The following EML3 variants were observed in gnomAD, a reference collection of about 807,000 sequenced individuals.
EML3 encodes the protein echinoderm microtubule-associated protein-like 3.
In EML3, 53 loss-of-function variants were observed where a neutral mutation model predicts 106.7. The observed-to-expected ratio is 0.50, with a 90% CI of 0.40 to 0.62. The LOEUF (loss-of-function observed/expected upper bound fraction) is 0.62, where lower values mean the gene tolerates loss of function less well. EML3 is among the 20% of genes least tolerant of loss of function. EML3 has a pLI of 0.00. For synonymous variants in EML3, 499 were observed against 489.6 expected, an observed-to-expected ratio of 1.02 and a Z score of -0.25; for missense variants, 994 against 1,209.1, an observed-to-expected ratio of 0.82 and a Z score of 2.64.
chr11:62,603,894 T>C, intron 18 of EML3, 50 bp downstream of exon 18: 1 of 1,611,252 alleles, frequency 6.2e-7, no homozygotes, highest in South Asian at 1.1e-5. Context: ...ATCAGACCCC[T>C]GAGTTTCGCA....
intron 4 of EML3, 72 bp from the exon 5 acceptor site, chr11:62,609,768 AG>A: frequency 1.5e-6 from 2 of 1,360,944 alleles, no homozygotes; most frequent in Non-Finnish European, 2.0e-6. Context: ...GCAGGACACA[AG>A]AAAAGAGGTC....
intron 19 of EML3, 126 bp downstream of exon 19, chr11:62,603,603 C>T (rs977202790): frequency 8.9e-6 from 7 of 787,832 alleles, no homozygotes; most frequent in Non-Finnish European, 1.4e-5. Flanking sequence ...ATTTCTCCTA[C>T]ATATAATTCC....
rs909444158 is a variant in EML3, at chr11:62,603,252, G to T, written c.2258-5C>A. On this transcript the variant is annotated splice_polypyrimidine_tract_variant and splice_region_variant and intron_variant, in intron 19 of 21. Transcript: ENST00000394773. ...TGCAGCCTCCAGCCACGTCCCCTGG[G>T]GAGAGGGAGCCCGCCCAGCTCAGCT... The T allele has an allele frequency of 1.2e-6, 2 of 1,612,924 alleles. No homozygotes were observed. Among genetic ancestry groups the T allele is most frequent in the Admixed American group, 1.7e-5 (1 of 60,004 alleles).
rs897781649 is a variant in EML3 at position 62,605,638 on chromosome 11, C to T, written c.1914+4G>A. 1.3e-6 allele frequency: 2 copies of T among 1,529,878 alleles called. No homozygotes were observed. Among genetic ancestry groups the T allele is most frequent in the Non-Finnish European group, 1.8e-6 (2 of 1,138,378 alleles). The allele number at this position is 1,529,878 out of a possible 1,614,324, so 94.8% of individuals were successfully genotyped here. A position where few individuals can be genotyped will look rare whatever the true frequency, so the allele number is the denominator to read the frequency against. ...ATGGGGGATCCAGGGGCACAGGGCTCTACCTTGAGGTCGATGCTCCAGGCC... is the reference window on the plus strand; with the variant it reads ...ATGGGGGATCCAGGGGCACAGGGCTTTACCTTGAGGTCGATGCTCCAGGCC... On this transcript the variant is annotated splice_donor_region_variant and intron_variant, in intron 15 of 21. Transcript: ENST00000394773. This position sits in a 1 kb window ranked among gnomAD's most constrained non-coding sequence, Gnocchi z 5.2.
chr11:62,605,251 C>T lies in EML3; in HGVS notation c.1915-71G>A. On this transcript the variant is annotated intron_variant, in intron 15 of 21. Coordinates refer to ENST00000394773, the MANE Select transcript of EML3 (RefSeq NM_153265.3). The surrounding 1 kb of genome is among the most constrained non-coding windows in gnomAD (Gnocchi z 5.2). Reference sequence around the variant, plus strand: ...AGGGAACCAGAGTGAACCCCTTGTCCTCCTAACTTCAAAGCCACTTACTCC... The same window carrying T: ...AGGGAACCAGAGTGAACCCCTTGTCTTCCTAACTTCAAAGCCACTTACTCC... 3 of 1,507,144 alleles carry T rather than the reference C, an allele frequency of 2.0e-6. No homozygotes were observed. Among genetic ancestry groups the T allele is most frequent in the Non-Finnish European group, 1.8e-6 (2 of 1,105,666 alleles). The allele number at this position is 1,507,144 out of a possible 1,614,324, so 93.4% of individuals were successfully genotyped here.
intron 4 of EML3, among the ~76,000 whole-genome samples, chr11:62,610,337 C>A (rs1218327882): frequency 6.6e-6 from 1 of 152,148 alleles, no homozygotes; most frequent in Non-Finnish European, 1.5e-5. Context: ...TGTCCTGGGG[C>A]CCGTACATAC....
intron 20 of EML3, 129 bp from the exon 21 acceptor site, chr11:62,603,018 C>A: frequency 6.7e-7 from 1 of 1,487,244 alleles, no homozygotes. Flanking sequence ...TTCCCGGTCC[C>A]GAGGGGCCTC....
intron 11 of EML3, chr11:62,607,372 G>A (rs539430886): frequency 1.6e-4 from 75 of 461,622 alleles, no homozygotes; most frequent in South Asian, 3.2e-4. Context: ...TGATGAAACC[G>A]TATCTCTATT....
At chr11:62,606,014 T>C (rs1324359858) in intron 13 of EML3, 34 bp from the exon 14 acceptor site, 1 of 1,613,532 alleles carries the variant, frequency 6.2e-7, no homozygotes, top group African/African-American at 1.3e-5. Context: ...AAGAGCCCAC[T>C]GACTATTGCT....
rs776500552 is a variant in EML3 at position 62,611,570 on chromosome 11, G to A, written c.49C>T (p.Gln17Ter). The part of the protein sequence containing the change: ...PGDGPAREAL[Q>*]SLSQRLRVQE... ...ACCCGAAGCCGCTGGCTCAGAGACT[G>A]GAGGGCCTCCCGAGCAGGGCCGTCA... is the stretch of plus-strand genomic sequence containing the variant. Residue 17 changes from glutamine (Q) to a stop codon, truncating the protein, a stop_gained, in exon 2 of 22, where the codon CAG (glutamine) becomes TAG (stop). Coordinates refer to ENST00000394773, the MANE Select transcript of EML3 (RefSeq NM_153265.3). LOFTEE classifies it high-confidence loss of function. The A allele has an allele frequency of 6.2e-7, 1 of 1,613,674 alleles. No homozygotes were observed.
In EML3 at chr11:62,612,537, G is replaced by A. The variant is rs1942887446; in HGVS notation, c.-80C>T. 8 of 1,300,824 alleles carry A rather than the reference G, an allele frequency of 6.1e-6. No individual in the cohort carries two copies. The highest frequency in any genetic ancestry group is 7.8e-6 in the Non-Finnish European group (8 of 1,020,568). 80.6% of individuals were successfully genotyped at this position (1,300,824 alleles called of 1,614,324 possible). On this transcript the variant is annotated 5_prime_UTR_variant, in exon 1 of 22. Coordinates refer to ENST00000394773, the MANE Select transcript of EML3 (RefSeq NM_153265.3). ...GGGCCACGGCCGGGGAGAGGGGAAG[G>A]GGAAGCACCCCGGGGCGCGCGCGAA... is the stretch of plus-strand genomic sequence containing the variant.
chr11:62,610,767 T>G, intron 4 of EML3, 112 bp downstream of exon 4: 1 of 925,590 alleles, frequency 1.1e-6, no homozygotes, highest in Non-Finnish European at 1.6e-6. Context: ...GTTTCTTTAT[T>G]CCTGTTGGGC....
Position 62,611,156 on chromosome 11 carries a change from C to G in EML3, c.383G>C (p.Ser128Thr). 6.2e-7 allele frequency: 1 copy of G among 1,602,372 alleles called. No homozygotes were observed. The highest frequency in any genetic ancestry group is 8.5e-7 in the Non-Finnish European group (1 of 1,178,406). The change falls in exon 3 of 22, where the codon AGC (serine) becomes ACC (threonine). Residue 128 changes from serine to threonine, a missense_variant. Ser to Thr is a moderately conservative substitution (Grantham distance 58, BLOSUM62 1). Coordinates refer to ENST00000394773, the MANE Select transcript of EML3 (RefSeq NM_153265.3). ...GGGGCCAGGGGAGCCAGCACCACTG[C>G]TGCTGCTGCCCCCTCCTTCAGATTG... Reference protein sequence around the residue: ...GTQSEGGGSSSSGAGSPGPPG... With the variant: ...GTQSEGGGSSTSGAGSPGPPG...
chr11:62,608,611 C>T lies in EML3; in HGVS notation c.1041G>A (p.Leu347=). The part of the protein sequence containing the change: ...PVVHIWDSET[L]LKLQEIGLGA... ...CCAGTCCAATCTCCTGCAGTTTCAA[C>T]AGCGTCTCTGAGTCCCAGATGTGAA... The change falls in exon 9 of 22, where the codon CTG becomes CTA. Residue 347 remains leucine, a synonymous_variant. Transcript: ENST00000394773. 1 of 1,614,212 alleles carries T rather than the reference C, an allele frequency of 6.2e-7. No individual in the cohort carries two copies. The highest frequency in any genetic ancestry group is 8.5e-7 in the Non-Finnish European group (1 of 1,180,034).
chr11:62,602,930 G>A, intron 20 of EML3, 41 bp from the exon 21 acceptor site: 4 of 1,492,438 alleles, frequency 2.7e-6, no homozygotes, highest in Non-Finnish European at 3.6e-6. Flanking sequence ...CCTACCCACC[G>A]CCACCCACGG....
chr11:62,605,084 C>G lies in EML3; in HGVS notation c.1982+29G>C. ...AACCCTTCCCAGTCCTCCCTGCTTT[C>G]CCTCCTGGGAGTCCTGGCTCTCTCT... On this transcript the variant is annotated intron_variant, in intron 16 of 21. Coordinates refer to ENST00000394773, the MANE Select transcript of EML3 (RefSeq NM_153265.3). The surrounding 1 kb of genome is among the most constrained non-coding windows in gnomAD (Gnocchi z 5.2). 6.2e-7 allele frequency: 1 copy of G among 1,601,506 alleles called. No individual in the cohort carries two copies. Among genetic ancestry groups the G allele is most frequent in the East Asian group, 2.3e-5 (1 of 44,170 alleles).
intron 19 of EML3, 122 bp from the exon 20 acceptor site, chr11:62,603,369 T>C (rs1942343310): frequency 3.4e-6 from 3 of 889,820 alleles, no homozygotes; most frequent in African/African-American, 3.3e-5. Flanking sequence ...CTGGTCACCG[T>C]AGTAGCATCA....
intron 11 of EML3, 56 bp downstream of exon 11, chr11:62,607,610 A>C: frequency 2.5e-6 from 4 of 1,574,570 alleles, no homozygotes; most frequent in Non-Finnish European, 3.5e-6. Flanking sequence ...TACTCAGCCC[A>C]GTGCTTCCTC....
At chr11:62,609,903 G>A (rs1002931542) in intron 4 of EML3, among the ~76,000 whole-genome samples, 3 of 152,164 alleles carry the variant, frequency 2.0e-5, no homozygotes, top group Non-Finnish European at 4.4e-5. Flanking sequence ...GGGGCTGAGC[G>A]CACAGCACAA....
Sources: allele counts gnomAD v4.1 joint callset (sites outside exome capture counted in the v4.1 genomes callset), GRCh38; gene constraint gnomAD v4.1.1; non-coding constraint Gnocchi (gnomAD v3.1); transcripts MANE v1.5; gene names NCBI Gene and HGNC (gene_info 2026-07-23, HGNC 2026-07-21).